Variants in ADCY9 observed in about 807,000 individuals in gnomAD.
ADCY9 encodes adenylate cyclase 9, also known as adenylate cyclase type 9.
In ADCY9, 50 loss-of-function variants were observed where a neutral mutation model predicts 101.5. The observed-to-expected ratio is 0.49, with a 90% CI of 0.39 to 0.62. ADCY9 has a LOEUF of 0.62. Ranked by LOEUF, ADCY9 falls within the 20% of genes least tolerant of loss-of-function variation. The pLI, the probability that ADCY9 is intolerant of heterozygous loss-of-function variation, is 0.00. For synonymous variants in ADCY9, 905 were observed against 769.3 expected, an observed-to-expected ratio of 1.18 and a Z score of -2.92; for missense variants, 1,662 against 1,800.4, an observed-to-expected ratio of 0.92 and a Z score of 1.39.
chr16:3,993,726 T>C (rs573881783), intron 3 of ADCY9, among the ~76,000 whole-genome samples: 14 of 152,188 alleles, frequency 9.2e-5, no homozygotes, highest in African/African-American at 3.4e-4. Context: ...GACCCAAAAA[T>C]GGAACCGGGA....
rs1567147091 is a variant in ADCY9, at chr16:4,097,555, T to TATATATA, written c.1693+16194_1693+16195insTATATAT. On this transcript the variant is annotated intron_variant, in intron 2 of 10. Coordinates refer to ENST00000294016, the MANE Select transcript of ADCY9 (RefSeq NM_001116.4). Reference sequence around the variant, plus strand: ...TATATATATATATATATATATATATTTTTTTTTTTTTTTTTTAAGACAGAG... The same window carrying TATATATA: ...TATATATATATATATATATATATATTATATATATTTTTTTTTTTTTTTTAAGACAGAG... Among the ~76,000 whole-genome samples, 4 of 55,066 alleles carry TATATATA rather than the reference T, an allele frequency of 7.3e-5. No individual in the cohort carries two copies. The East Asian group carries it at 1.4e-3, about 20-fold the overall frequency. 36.1% of individuals were successfully genotyped at this position (55,066 alleles called of 152,430 possible). A position where few individuals can be genotyped will look rare whatever the true frequency, so the allele number is the denominator to read the frequency against.
chr16:4,050,532 T>C lies in ADCY9; in HGVS notation c.1694-42974A>G, dbSNP rs148204908. On this transcript the variant is annotated intron_variant, in intron 2 of 10. Coordinates refer to ENST00000294016, the MANE Select transcript of ADCY9 (RefSeq NM_001116.4). ...AGTTTGAGACCCAGCCTGACCAACA[T>C]GGTGAAACCCCGTCTCTACTAAAAA... Among the ~76,000 whole-genome samples, 141 of 151,842 alleles carry C rather than the reference T, an allele frequency of 9.3e-4. 1 individual carries two copies. Among genetic ancestry groups the C allele is most frequent in the African/African-American group, 3.2e-3 (131 of 41,416 alleles).
At chr16:4,024,256 C>T (rs1184613892) in intron 2 of ADCY9, among the ~76,000 whole-genome samples, 2 of 152,016 alleles carry the variant, frequency 1.3e-5, no homozygotes, top group African/African-American at 2.4e-5. Context: ...GTCCTGACCT[C>T]ATGATCCGGC....
chr16:4,025,465 C>T (rs1403773306), intron 2 of ADCY9, among the ~76,000 whole-genome samples: 1 of 151,838 alleles, frequency 6.6e-6, no homozygotes, highest in Non-Finnish European at 1.5e-5. Flanking sequence ...GGCCACTGGC[C>T]ACGCAAAGAC....
At chr16:3,986,826 C>T (rs2056197227) in intron 6 of ADCY9, among the ~76,000 whole-genome samples, 1 of 152,208 alleles carries the variant, frequency 6.6e-6, no homozygotes, top group African/African-American at 2.4e-5. Flanking sequence ...TATCTACTGG[C>T]CTCAAGTGAT....
chr16:3,958,982 C>G, downstream of ADCY9, among the ~76,000 whole-genome samples: 1 of 151,888 alleles, frequency 6.6e-6, no homozygotes, highest in East Asian at 1.9e-4. Flanking sequence ...GCCTCGGTTG[C>G]TTTTTATTCA....
At chr16:3,956,488 C>CTTTTTTTTTTTTTTTTTTTTT (rs1555504577) in intron 5 of ADCY9, among the ~76,000 whole-genome samples, 1 of 68,762 alleles carries the variant, frequency 1.5e-5, no homozygotes, top group Non-Finnish European at 2.6e-5. Flanking sequence ...GCGCAATGAG[C>CTTTTTTTTTTTTTTTTTTTTT]TTTTTTTTTT....
chr16:3,993,264 A>C, intron 4 of ADCY9, 142 bp downstream of exon 4: 22 of 1,427,990 alleles, frequency 1.5e-5, no homozygotes, highest in Non-Finnish European at 2.1e-5. Flanking sequence ...TCTCTTCAAC[A>C]CCCGGAGGAC....
intron 2 of ADCY9, among the ~76,000 whole-genome samples, chr16:4,096,213 T>C (rs763563741): frequency 6.6e-6 from 1 of 152,222 alleles, no homozygotes; most frequent in South Asian, 2.1e-4. Flanking sequence ...TAAATGAGAG[T>C]TCGTAGTTGA....
chr16:3,992,334 C>T lies in ADCY9; in HGVS notation c.2019G>A (p.Gln673=). ...KASGGPNPKT[Q]NGLLSPPQEE... The stretch of plus-strand genomic sequence containing the variant: ...CTTGGGGAGGGCTGAGGAGCCCGTT[C>T]TGAGTTTTGGGATTAGGTCCTCCAG... Residue 673 remains glutamine (Q), a synonymous_variant, in exon 5 of 11, where the codon CAG becomes CAA. Transcript: ENST00000294016. This position sits in a 1 kb window ranked among gnomAD's most constrained non-coding sequence, Gnocchi z 4.2. 1.2e-6 allele frequency: 2 copies of T among 1,614,074 alleles called. No homozygotes were observed. Among genetic ancestry groups the T allele is most frequent in the Non-Finnish European group, 1.7e-6 (2 of 1,180,004 alleles).
chr16:3,980,668 GCACAGCCT>G (rs1476891428), intron 7 of ADCY9, among the ~76,000 whole-genome samples: 2 of 152,236 alleles, frequency 1.3e-5, no homozygotes, highest in Non-Finnish European at 2.9e-5. Context: ...ATGGACGCAG[GCACAGCCT>G]CACCCTTTTA....
intron 2 of ADCY9, among the ~76,000 whole-genome samples, chr16:4,099,464 T>G (rs1054228119): frequency 2.0e-5 from 3 of 152,206 alleles, no homozygotes; most frequent in African/African-American, 7.2e-5. Flanking sequence ...AGGGTAAACT[T>G]TAGCTCAGTC....
downstream of ADCY9, among the ~76,000 whole-genome samples, chr16:3,961,646 C>T (rs1206478416): frequency 1.3e-5 from 2 of 152,150 alleles, no homozygotes; most frequent in African/African-American, 4.8e-5. Context: ...CCCGCAAGTC[C>T]ATGAGCAACC....
intron 2 of ADCY9, among the ~76,000 whole-genome samples, chr16:4,065,736 T>A (rs2056797269): frequency 6.6e-6 from 1 of 152,134 alleles, no homozygotes; most frequent in African/African-American, 2.4e-5. Context: ...ACCTGGCTAA[T>A]TTTTGTATTT....
In ADCY9 at chr16:3,966,465, C is replaced by T; in HGVS notation, c.3372G>A (p.Gln1124=). 6.2e-7 allele frequency: 1 copy of T among 1,614,154 alleles called. No individual in the cohort carries two copies. ...CCTGCGGGTGGCTGCCGTCCTGGGC[C>T]TGCGCGGTGTTCAGCCCTGACGCCG... ...YMAASGLNTA[Q]AQDGSHPQEH... The change falls in exon 11 of 11, where the codon CAG becomes CAA. Residue 1124 remains glutamine, a synonymous_variant. Coordinates refer to ENST00000294016, the MANE Select transcript of ADCY9 (RefSeq NM_001116.4).
intron 5 of ADCY9, 147 bp from the exon 6 acceptor site, chr16:3,989,243 A>G (rs533613019): frequency 6.3e-5 from 38 of 600,758 alleles, no homozygotes; most frequent in African/African-American, 6.1e-4. Flanking sequence ...GACGCCACTC[A>G]GCTGCCCCTT....
rs1293554221 is a variant in ADCY9, at chr16:3,964,898, A to C, written c.*877T>G. On this transcript the variant is annotated 3_prime_UTR_variant, in exon 11 of 11. Transcript: ENST00000294016. ...TGCTTCCGGGTAAATAAATAAATAA[A>C]TAAATGCAACCTCGGATGTTTATTT... 4 of 152,316 alleles carry C rather than the reference A, an allele frequency of 2.6e-5. No homozygotes were observed. In the South Asian group the frequency reaches 8.3e-4, roughly 32 times the overall value. 9.4% of individuals were successfully genotyped at this position (152,316 alleles called of 1,614,324 possible). A position where few individuals can be genotyped will look rare whatever the true frequency, so the allele number is the denominator to read the frequency against.
At chr16:3,998,726 A>G (rs1234535201) in intron 3 of ADCY9, among the ~76,000 whole-genome samples, 13 of 142,578 alleles carry the variant, frequency 9.1e-5, no homozygotes, top group Admixed American at 2.2e-4. Flanking sequence ...AAAAAAAAAA[A>G]AAAAAAAAAG....
chr16:4,101,498 C>T (rs1043676030), intron 2 of ADCY9, among the ~76,000 whole-genome samples: 1 of 152,032 alleles, frequency 6.6e-6, no homozygotes, highest in Admixed American at 6.6e-5. Context: ...AGACTGGTCT[C>T]GAGCTCCTGG....
Sources: allele counts gnomAD v4.1 joint callset (sites outside exome capture counted in the v4.1 genomes callset), GRCh38; gene constraint gnomAD v4.1.1; non-coding constraint Gnocchi (gnomAD v3.1); transcripts MANE v1.5; gene names NCBI Gene and HGNC (gene_info 2026-07-23, HGNC 2026-07-21).